The following CCDC88A variants were observed in gnomAD, a reference collection of about 807,000 sequenced individuals.
CCDC88A encodes the protein coiled-coil and HOOK domain protein 88A.
Under a neutral mutation model 234.3 loss-of-function variants are expected in CCDC88A, and 54 were observed. The observed-to-expected ratio is 0.23, with a 90% CI of 0.19 to 0.29. CCDC88A has a LOEUF of 0.29. CCDC88A is among the 10% of genes least tolerant of loss of function. The pLI, the probability that CCDC88A is intolerant of heterozygous loss-of-function variation, is 1.00. For missense variants in CCDC88A, 1,832 were observed against 2,123.4 expected, an observed-to-expected ratio of 0.86 and a Z score of 2.70; for synonymous variants, 753 against 737.8, an observed-to-expected ratio of 1.02 and a Z score of -0.33.
chr2:55,320,032 CA>C lies in CCDC88A; in HGVS notation c.3163-1029del, dbSNP rs554294734. Among the ~76,000 whole-genome samples, 664 of 152,026 alleles carry C rather than the reference CA, an allele frequency of 4.4e-3. 2 individuals carry two copies. Among genetic ancestry groups the C allele is most frequent in the Non-Finnish European group, 7.1e-3 (483 of 67,944 alleles). On this transcript the variant is annotated intron_variant, in intron 18 of 32. Transcript: ENST00000436346. ...GTAAAAGGCAGGTCAGGATTTGACC[CA>C]CATATTATACCATAAAATTGAAGCT...
intron 2 of CCDC88A, among the ~76,000 whole-genome samples, chr2:55,414,096 C>T (rs1291571518): frequency 1.3e-5 from 2 of 152,120 alleles, no homozygotes; most frequent in Non-Finnish European, 2.9e-5. Context: ...CCAAGTACAG[C>T]TCTCTATAAC....
At chr2:55,312,629 A>AAATC in intron 22 of CCDC88A, 50 bp from the exon 23 acceptor site, 1 of 1,346,096 alleles carries the variant, frequency 7.4e-7, no homozygotes, top group African/African-American at 1.4e-5. Context: ...CATTTAACAT[A>AAATC]AATCAACTGA....
chr2:55,409,461 T>TACC (rs1490879655), intron 2 of CCDC88A, among the ~76,000 whole-genome samples: 36 of 152,222 alleles, frequency 2.4e-4, no homozygotes, highest in Admixed American at 2.4e-3. Flanking sequence ...ATGGCACAGA[T>TACC]ACCACATTGC....
rs887137397 is a variant in CCDC88A at position 55,419,298 on chromosome 2, C to G, written c.-219G>C. On this transcript the variant is annotated 5_prime_UTR_variant, in exon 1 of 33. Transcript: ENST00000436346. ...TGGCTTCGACGACGGACACCACGAG[C>G]AGCAGCCTGCGCTGGAAATGTCTGT... 17 of 532,880 alleles carry G rather than the reference C, an allele frequency of 3.2e-5. No homozygotes were observed. The highest frequency in any genetic ancestry group is 5.4e-5 in the Non-Finnish European group (16 of 297,018). The allele number at this position is 532,880 out of a possible 1,614,324, so 33.0% of individuals were successfully genotyped here.
intron 4 of CCDC88A, 27 bp downstream of exon 4, chr2:55,374,787 C>A: frequency 6.9e-7 from 1 of 1,439,786 alleles, no homozygotes; most frequent in Non-Finnish European, 9.8e-7. Context: ...TTAGACATTA[C>A]TTTCACAGCT....
chr2:55,382,090 G>C (rs1674693953), intron 3 of CCDC88A, among the ~76,000 whole-genome samples: 1 of 152,120 alleles, frequency 6.6e-6, no homozygotes, highest in Non-Finnish European at 1.5e-5. Context: ...TACCTGACCA[G>C]TGTCAAAAAT....
chr2:55,398,083 A>C (rs1354714689), intron 2 of CCDC88A, among the ~76,000 whole-genome samples: 1 of 152,226 alleles, frequency 6.6e-6, no homozygotes, highest in Admixed American at 6.5e-5. Flanking sequence ...CACAATCAAA[A>C]GGGATCTTAA....
intron 2 of CCDC88A, chr2:55,416,916 T>C (rs1042239438): frequency 6.6e-6 from 1 of 152,026 alleles, no homozygotes; most frequent in Non-Finnish European, 1.5e-5. Flanking sequence ...ACTTTTTTTT[T>C]CTTTTCTTTT....
At chr2:55,294,837 G>A (rs1468469014) in intron 31 of CCDC88A, 9 of 1,042,922 alleles carry the variant, frequency 8.6e-6, no homozygotes, top group South Asian at 3.2e-5. Flanking sequence ...GTTTTTAAAG[G>A]CATGCAGAAA....
At chr2:55,351,173 C>G (rs749744022) in intron 8 of CCDC88A, among the ~76,000 whole-genome samples, 2 of 152,018 alleles carry the variant, frequency 1.3e-5, no homozygotes, top group Non-Finnish European at 2.9e-5. Flanking sequence ...CTCTTAGGCC[C>G]AAGAATTCCA....
At chr2:55,359,638 T>C (rs1179741814) in intron 7 of CCDC88A, among the ~76,000 whole-genome samples, 14 of 150,586 alleles carry the variant, frequency 9.3e-5, no homozygotes, top group Admixed American at 9.3e-4. Context: ...TATAGGAATA[T>C]ATATAAAAAA....
chr2:55,347,566 G>A (rs187116753), intron 9 of CCDC88A, among the ~76,000 whole-genome samples: 293 of 146,168 alleles, frequency 2.0e-3, no homozygotes, highest in African/African-American at 7.0e-3. Flanking sequence ...GGAAAATAAC[G>A]GTTATTTCAT....
In CCDC88A at chr2:55,319,528, T is replaced by A. The variant is rs191573137; in HGVS notation, c.3163-524A>T. 2.6e-5 allele frequency among the ~76,000 whole-genome samples: 4 copies of A among 152,280 alleles called. 1 individual carries two copies. Among genetic ancestry groups the A allele is most frequent in the Admixed American group, 2.6e-4 (4 of 15,284 alleles). The stretch of plus-strand genomic sequence containing the variant: ...AGGTTTACAGGAACAATCTTAACCA[T>A]TTTTTGTTTCCATTTTGCAATCCAC... On this transcript the variant is annotated intron_variant, in intron 18 of 32. Coordinates refer to ENST00000436346, the MANE Select transcript of CCDC88A (RefSeq NM_001365480.1).
At chr2:55,404,665 A>G (rs1398247516) in intron 2 of CCDC88A, 11 of 152,234 alleles carry the variant, frequency 7.2e-5, no homozygotes, top group Non-Finnish European at 1.6e-4. Flanking sequence ...AAGTTAACAA[A>G]ACTTTCAGTC....
chr2:55,357,978 T>C (rs760665884), intron 7 of CCDC88A, among the ~76,000 whole-genome samples: 5 of 152,192 alleles, frequency 3.3e-5, no homozygotes, highest in African/African-American at 4.8e-5. Flanking sequence ...CATTTTCCTA[T>C]GTCACCATAT....
chr2:55,396,964 A>C (rs79488514), intron 2 of CCDC88A, among the ~76,000 whole-genome samples: 4,419 of 151,822 alleles, frequency 0.029, 112 homozygotes, highest in Non-Finnish European at 0.041. Context: ...TTGTTTGAGC[A>C]TATTCCCAAT....
intron 16 of CCDC88A, chr2:55,330,191 A>G (rs1684748374): frequency 6.6e-6 from 1 of 152,128 alleles, no homozygotes; most frequent in South Asian, 2.1e-4. Context: ...AGAGAATAAC[A>G]TGAATTAGAA....
chr2:55,340,388 C>T (rs1668328377), intron 12 of CCDC88A: 1 of 152,154 alleles, frequency 6.6e-6, no homozygotes, highest in Admixed American at 6.5e-5. Flanking sequence ...CAACATATCC[C>T]CCACCATGCA....
intron 2 of CCDC88A, chr2:55,405,081 C>T (rs1486189284): frequency 1.3e-5 from 2 of 152,184 alleles, no homozygotes; most frequent in Non-Finnish European, 2.9e-5. Flanking sequence ...TTTTAAAATA[C>T]TGTATTGTAC....
Sources: gnomAD v4.1 joint callset for allele counts (sites outside exome capture counted in the v4.1 genomes callset) on GRCh38, gnomAD v4.1.1 for gene constraint, MANE v1.5 for transcripts, NCBI Gene and HGNC (gene_info 2026-07-23, HGNC 2026-07-21) for gene names.